SYCE2: variants seen among roughly 807,000 people sequenced by gnomAD.
SYCE2 encodes synaptonemal complex central element protein 2, also known as central element synaptonemal complex 1.
In SYCE2, 3 loss-of-function variants were observed where a neutral mutation model predicts 27.9. The observed-to-expected ratio is 0.11, with a 90% CI of 0.05 to 0.28. The LOEUF (loss-of-function observed/expected upper bound fraction) is 0.28, where lower values mean the gene tolerates loss of function less well. SYCE2 is among the 10% of genes least tolerant of loss of function. The pLI, the probability that SYCE2 is intolerant of heterozygous loss-of-function variation, is 1.00. For missense variants in SYCE2, 207 were observed against 263.5 expected (o/e 0.79, Z 1.48); for synonymous variants, 85 against 100.7 (o/e 0.84, Z 0.93).
intron 2 of SYCE2, among the ~76,000 whole-genome samples, chr19:12,907,839 A>G (rs1182263031): frequency 7.2e-5 from 11 of 152,020 alleles, no homozygotes; most frequent in African/African-American, 2.7e-4. Flanking sequence ...TCAACCAGGC[A>G]CAGTGGGCTC....
At chr19:12,907,381 G>A (rs143703278) in intron 2 of SYCE2, among the ~76,000 whole-genome samples, 7 of 152,250 alleles carry the variant, frequency 4.6e-5, no homozygotes, top group South Asian at 2.1e-4. Context: ...ACATTTCCTC[G>A]TCGCCCTCTG....
intron 3 of SYCE2, 69 bp from the exon 4 acceptor site, chr19:12,900,717 G>A: frequency 7.1e-7 from 1 of 1,411,430 alleles, no homozygotes; most frequent in Non-Finnish European, 9.7e-7. Flanking sequence ...GTGTTAAGTG[G>A]GTTTCTTAGA....
Position 12,900,576 on chromosome 19 carries a change from C to T in SYCE2, c.379G>A (p.Glu127Lys), listed in dbSNP as rs1970814041. The T allele has an allele frequency of 6.2e-7, 1 of 1,614,140 alleles. No homozygotes were observed. The highest frequency in any genetic ancestry group is 1.1e-5 in the South Asian group (1 of 91,076). ...IYNDHNKIIQEKLQEFTQKMA... is the reference protein window; with the variant it reads ...IYNDHNKIIQKKLQEFTQKMA... ...TTCTGGGTGAACTCTTGGAGCTTTT[C>T]CTGGATGATCTTGTTGTGGTCATTA... Residue 127 changes from glutamate to lysine, a missense_variant, in exon 4 of 6, where the codon GAA becomes AAA. Coordinates refer to ENST00000293695, the MANE Select transcript of SYCE2 (RefSeq NM_001105578.2).
At chr19:12,917,025 C>G (rs1037395574) in intron 2 of SYCE2, among the ~76,000 whole-genome samples, 61 of 151,784 alleles carry the variant, frequency 4.0e-4, no homozygotes, top group African/African-American at 1.4e-3. Flanking sequence ...GCTGGGATTA[C>G]AGGCGTGAGC....
chr19:12,904,444 C>T (rs1970896616), intron 3 of SYCE2, 48 bp downstream of exon 3: 1 of 1,609,598 alleles, frequency 6.2e-7, no homozygotes, highest in Non-Finnish European at 8.5e-7. Context: ...TTCATTCCCT[C>T]CCCTTTTGCA....
intron 1 of SYCE2, 35 bp downstream of exon 1, chr19:12,919,208 G>T (rs917917250): frequency 2.5e-6 from 4 of 1,609,268 alleles, no homozygotes; most frequent in Non-Finnish European, 1.7e-6. Flanking sequence ...CTGTCCGCCC[G>T]CCCCACGCGC....
intron 3 of SYCE2, among the ~76,000 whole-genome samples, chr19:12,900,910 T>A (rs1970821328): frequency 6.6e-6 from 1 of 152,140 alleles, no homozygotes; most frequent in Non-Finnish European, 1.5e-5. Flanking sequence ...ACGGGTGTGG[T>A]GGCTCACGCC....
At chr19:12,919,166 G>T in intron 1 of SYCE2, 77 bp downstream of exon 1, 1 of 1,584,118 alleles carries the variant, frequency 6.3e-7, no homozygotes, top group Non-Finnish European at 8.6e-7. Context: ...GTCCGCTGGA[G>T]ATGGCTGGGA....
At chr19:12,905,650 T>G (rs546860947) in intron 2 of SYCE2, among the ~76,000 whole-genome samples, 22 of 150,948 alleles carry the variant, frequency 1.5e-4, no homozygotes, top group Non-Finnish European at 3.1e-4. Flanking sequence ...CTTTCTTATT[T>G]TCTTTTTTTT....
chr19:12,899,726 A>G (rs376334735), intron 5 of SYCE2: 3 of 1,612,308 alleles, frequency 1.9e-6, no homozygotes, highest in Non-Finnish European at 2.5e-6. Context: ...CTTAAAAAGA[A>G]GATGGAATTC....
chr19:12,918,743 G>A (rs879762764), intron 1 of SYCE2, among the ~76,000 whole-genome samples: 12 of 152,030 alleles, frequency 7.9e-5, no homozygotes, highest in Non-Finnish European at 1.5e-4. Context: ...CACGAGGTCA[G>A]GAGTGCGAGA....
chr19:12,918,439 C>T (rs900505316), intron 1 of SYCE2, 102 bp from the exon 2 acceptor site: 34 of 1,102,918 alleles, frequency 3.1e-5, no homozygotes, highest in African/African-American at 2.8e-4. Context: ...TGTGCTGCTG[C>T]GGGACGGTGG....
At chr19:12,903,398 T>C (rs1970879749) in intron 3 of SYCE2, among the ~76,000 whole-genome samples, 1 of 137,166 alleles carries the variant, frequency 7.3e-6, no homozygotes. Flanking sequence ...GCCCTCTTCT[T>C]TTTTTTTTTT....
At chr19:12,916,376 C>G (rs542825913) in intron 2 of SYCE2, among the ~76,000 whole-genome samples, 7 of 152,058 alleles carry the variant, frequency 4.6e-5, no homozygotes, top group Non-Finnish European at 7.4e-5. Flanking sequence ...CCAACATGAG[C>G]CTCCTTCTTG....
At chr19:12,900,222 C>T in intron 4 of SYCE2, 102 bp from the exon 5 acceptor site, 2 of 1,386,426 alleles carry the variant, frequency 1.4e-6, no homozygotes, top group South Asian at 1.4e-5. Flanking sequence ...TTTGTCCTTT[C>T]TGTCACCACA....
intron 2 of SYCE2, among the ~76,000 whole-genome samples, chr19:12,913,768 A>G (rs1261132338): frequency 6.6e-6 from 1 of 152,188 alleles, no homozygotes; most frequent in East Asian, 1.9e-4. Context: ...TTCACTACAC[A>G]GATCCTGGTC....
chr19:12,904,796 C>T (rs535944753), intron 2 of SYCE2, 130 bp from the exon 3 acceptor site: 12 of 1,014,100 alleles, frequency 1.2e-5, no homozygotes, highest in Admixed American at 5.1e-5. Context: ...GTCAGGAGTT[C>T]GAGACCAGCC....
intron 3 of SYCE2, among the ~76,000 whole-genome samples, chr19:12,902,308 G>A (rs955739211): frequency 5.9e-5 from 9 of 152,106 alleles, no homozygotes; most frequent in African/African-American, 2.2e-4. Context: ...AAAGTACACA[G>A]AATAGAAGAG....
chr19:12,906,372 G>A (rs1741442868), intron 2 of SYCE2, among the ~76,000 whole-genome samples: 1 of 152,170 alleles, frequency 6.6e-6, no homozygotes, highest in Admixed American at 6.6e-5. Context: ...CTGTAATTAT[G>A]TAATTCAAAT....
Sources: allele counts gnomAD v4.1 joint callset (sites outside exome capture counted in the v4.1 genomes callset), GRCh38; gene constraint gnomAD v4.1.1; transcripts MANE v1.5; gene names NCBI Gene and HGNC (gene_info 2026-07-23, HGNC 2026-07-21).